KLF8: variants seen among roughly 807,000 people sequenced by gnomAD.
The protein encoded by KLF8 is Krueppel-like factor 8.
KLF8 carries 10 observed loss-of-function variants against 18.2 expected under a neutral mutation model. The ratio of observed to expected loss-of-function variants is 0.55; its 90% CI spans 0.34 to 0.93. KLF8 has a LOEUF of 0.93. Ranked by LOEUF, KLF8 falls within the 40% of genes least tolerant of loss-of-function variation. KLF8 has a pLI of 0.02. For missense variants in KLF8, 264 were observed against 277.9 expected, an observed-to-expected ratio of 0.95 and a Z score of 0.36; for synonymous variants, 109 against 97.3, an observed-to-expected ratio of 1.12 and a Z score of -0.71.
At chrX:56,276,158 C>G (rs1305535738) in intron 5 of KLF8, among the ~76,000 whole-genome samples, 1 of 108,555 alleles carries the variant, frequency 9.2e-6, no homozygotes, top group African/African-American at 3.4e-5. Context: ...ACCTCGCCCC[C>G]GAAACCAAGT....
the KLF8 span, among the ~76,000 whole-genome samples, chrX:56,066,028 G>A: frequency 9.0e-6 from 1 of 111,651 alleles, no homozygotes; most frequent in Non-Finnish European, 1.9e-5. Context: ...GGTACAGGCA[G>A]TTTCACCATT....
At chrX:56,153,967 A>G in the KLF8 span, among the ~76,000 whole-genome samples, 1 of 111,529 alleles carries the variant, frequency 9.0e-6, no homozygotes, top group Non-Finnish European at 1.9e-5. Context: ...CATGCTCATG[A>G]GTAGGAAGAA....
chrX:56,025,922 A>T, the KLF8 span, among the ~76,000 whole-genome samples: 1 of 112,744 alleles, frequency 8.9e-6, no homozygotes, highest in Non-Finnish European at 1.9e-5. Flanking sequence ...CACTGAAAGC[A>T]GTCCTCCGTG....
At chrX:56,112,870 CT>C in the KLF8 span, among the ~76,000 whole-genome samples, 4 of 111,441 alleles carry the variant, frequency 3.6e-5, no homozygotes, top group African/African-American at 1.3e-4. Flanking sequence ...TTTTCTGTAG[CT>C]TTTAATTTTT....
chrX:56,105,351 G>A, the KLF8 span, among the ~76,000 whole-genome samples: 2 of 111,379 alleles, frequency 1.8e-5, no homozygotes, highest in Non-Finnish European at 3.8e-5. Flanking sequence ...GGAAGTCTAA[G>A]TCTCTTTGTA....
the KLF8 span, among the ~76,000 whole-genome samples, chrX:56,173,324 C>A: frequency 8.9e-6 from 1 of 111,869 alleles, no homozygotes; most frequent in Non-Finnish European, 1.9e-5. Context: ...ATATGGCTAG[C>A]CAGTTTTCCC....
the KLF8 span, among the ~76,000 whole-genome samples, chrX:55,941,367 A>G: frequency 8.9e-6 from 1 of 112,229 alleles, no homozygotes; most frequent in East Asian, 2.8e-4. Flanking sequence ...ACAAAAATTA[A>G]TTCAAGTTGG....
chrX:56,145,818 A>G, the KLF8 span, among the ~76,000 whole-genome samples: 66 of 111,632 alleles, frequency 5.9e-4, no homozygotes, highest in Non-Finnish European at 1.1e-3. Context: ...CAATCTATCC[A>G]TCTGACAAAG....
chrX:55,988,817 A>T, the KLF8 span, among the ~76,000 whole-genome samples: 1 of 111,555 alleles, frequency 9.0e-6, no homozygotes, highest in Non-Finnish European at 1.9e-5. Context: ...CATGATATTG[A>T]TTCTCCCTAC....
At chrX:56,272,374 C>A (rs1348587623) in intron 5 of KLF8, among the ~76,000 whole-genome samples, 1 of 111,077 alleles carries the variant, frequency 9.0e-6, no homozygotes, top group African/African-American at 3.3e-5. Flanking sequence ...CCTTGCCCAG[C>A]TAATTTTTCT....
chrX:56,127,292 G>A, the KLF8 span, among the ~76,000 whole-genome samples: 3 of 111,333 alleles, frequency 2.7e-5, no homozygotes, highest in African/African-American at 9.8e-5. Context: ...AATTTGCTGT[G>A]TGTCTCTTAT....
chrX:55,954,590 C>A, the KLF8 span, among the ~76,000 whole-genome samples: 1 of 111,854 alleles, frequency 8.9e-6, no homozygotes, highest in Admixed American at 9.5e-5. Context: ...TTTGTGGAAA[C>A]GTAAAGTAGT....
At chrX:55,971,103 A>G in the KLF8 span, among the ~76,000 whole-genome samples, 1 of 111,631 alleles carries the variant, frequency 9.0e-6, no homozygotes, top group Non-Finnish European at 1.9e-5. Flanking sequence ...TAGAATAGCC[A>G]AAGTCATCCT....
At chrX:56,130,768 A>T in the KLF8 span, among the ~76,000 whole-genome samples, 2 of 111,811 alleles carry the variant, frequency 1.8e-5, no homozygotes, top group Non-Finnish European at 1.9e-5. Context: ...GAAATACAAG[A>T]TATGAGGGAA....
the KLF8 span, among the ~76,000 whole-genome samples, chrX:56,004,718 G>A: frequency 9.0e-6 from 1 of 111,559 alleles, no homozygotes; most frequent in African/African-American, 3.3e-5. Flanking sequence ...GAGAAGAGGG[G>A]AGCCCATTAA....
the KLF8 span, among the ~76,000 whole-genome samples, chrX:56,031,553 C>T: frequency 9.0e-6 from 1 of 111,596 alleles, no homozygotes; most frequent in Non-Finnish European, 1.9e-5. Context: ...TCTGGTGAGG[C>T]GTTCCACCGG....
At chrX:56,042,124 TTTC>T in the KLF8 span, among the ~76,000 whole-genome samples, 1 of 112,251 alleles carries the variant, frequency 8.9e-6, no homozygotes, top group Non-Finnish European at 1.9e-5. Flanking sequence ...CTGGCTTAAT[TTTC>T]TTATTTACCC....
At chrX:56,185,821 T>C in the KLF8 span, among the ~76,000 whole-genome samples, 1 of 111,422 alleles carries the variant, frequency 9.0e-6, no homozygotes, top group Non-Finnish European at 1.9e-5. Flanking sequence ...GAAAAGCAAA[T>C]GCTGAGAGAT....
chrX:56,220,536 A>C, the KLF8 span, among the ~76,000 whole-genome samples: 2 of 109,994 alleles, frequency 1.8e-5, no homozygotes, highest in African/African-American at 6.6e-5. Flanking sequence ...CCCAGGATGG[A>C]GTGCAATGGC....
Sources: allele counts gnomAD v4.1 joint callset (sites outside exome capture counted in the v4.1 genomes callset), GRCh38; gene constraint gnomAD v4.1.1; transcripts MANE v1.5; gene names NCBI Gene and HGNC (gene_info 2026-07-23, HGNC 2026-07-21).